The following CEP78 variants were observed in gnomAD, a reference collection of about 807,000 sequenced individuals.
CEP78 encodes centrosomal protein 78, also known as centrosomal protein of 78 kDa.
CEP78 carries 76 observed loss-of-function variants against 81.2 expected under a neutral mutation model. The observed-to-expected ratio is 0.94, with a 90% CI of 0.78 to 1.13. The LOEUF (loss-of-function observed/expected upper bound fraction) is 1.13. Among genes scored for constraint, CEP78 ranks in the 50% most tolerant of loss-of-function variants. The probability of loss-of-function intolerance (pLI) is 0.00; values close to 1 mark genes in which losing one functional copy is unlikely to be tolerated. For synonymous variants in CEP78, 293 were observed against 301.4 expected (o/e 0.97, Z 0.29); for missense variants, 918 against 846.8 (o/e 1.08, Z -1.04).
In CEP78 at chr9:78,274,030, C is replaced by A. The variant is rs1452637202; in HGVS notation, c.*3179C>A. ...TACACATACCATATGACCAAGCAGTCCCACTCCTGGGTATTTAGAGAGATG... is the reference window on the plus strand; with the variant it reads ...TACACATACCATATGACCAAGCAGTACCACTCCTGGGTATTTAGAGAGATG... On this transcript the variant is annotated 3_prime_UTR_variant, in exon 17 of 17. Coordinates refer to ENST00000643273, the MANE Select transcript of CEP78 (RefSeq NM_001330691.3). 6.6e-6 allele frequency: 1 copy of A among 152,198 alleles called. No individual in the cohort carries two copies. Among genetic ancestry groups the A allele is most frequent in the Non-Finnish European group, 1.5e-5 (1 of 68,042 alleles). The allele number at this position is 152,198 out of a possible 1,614,324, so 9.4% of individuals were successfully genotyped here.
chr9:78,270,012 G>A (rs1315521400), intron 16 of CEP78, among the ~76,000 whole-genome samples: 1 of 152,158 alleles, frequency 6.6e-6, no homozygotes, highest in African/African-American at 2.4e-5. Flanking sequence ...CATACATGTA[G>A]TGCAAAATGG....
chr9:78,256,584 A>G (rs1392191608), intron 11 of CEP78, among the ~76,000 whole-genome samples: 2 of 129,002 alleles, frequency 1.6e-5, no homozygotes, highest in Non-Finnish European at 3.1e-5. Context: ...CCAGGCTGGA[A>G]TGCAGTGGCG....
intron 5 of CEP78, among the ~76,000 whole-genome samples, chr9:78,246,196 T>C (rs1826470796): frequency 6.6e-6 from 1 of 152,240 alleles, no homozygotes; most frequent in Non-Finnish European, 1.5e-5. Context: ...TGTGTGCATA[T>C]GGTTTTCTAT....
Position 78,236,383 on chromosome 9 carries a change from C to T in CEP78, c.33C>T (p.Ser11=). Residue 11 remains serine (S), a synonymous_variant, in exon 1 of 17, where the codon AGC becomes AGT. Transcript: ENST00000643273. MIDSVKLRRD[S]AADFFSHYEY... ...ACTCCGTGAAGCTGCGCCGCGACAG[C>T]GCGGCGGACTTCTTCTCCCACTACG... 1.3e-6 allele frequency: 2 copies of T among 1,589,230 alleles called. No individual in the cohort carries two copies. Among genetic ancestry groups the T allele is most frequent in the South Asian group, 1.1e-5 (1 of 88,042 alleles).
Position 78,246,759 on chromosome 9 carries a change from A to G in CEP78, c.869A>G (p.Asp290Gly), listed in dbSNP as rs1208027509. 10 of 1,599,142 alleles carry G rather than the reference A, an allele frequency of 6.3e-6. No homozygotes were observed. Among genetic ancestry groups the G allele is most frequent in the Non-Finnish European group, 7.7e-6 (9 of 1,173,560 alleles). ...LETNTTLVVL[D>G]IRKNPLIDHS... is the part of the protein sequence containing the mutation. ...ACCAATACAACTCTGGTCGTTCTGGATATAAGAAAAAATCCACTCATTGGT... is the reference window on the plus strand; with the variant it reads ...ACCAATACAACTCTGGTCGTTCTGGGTATAAGAAAAAATCCACTCATTGGT... Residue 290 changes from aspartate (D) to glycine (G), a missense_variant, in exon 6 of 17, where the codon GAT becomes GGT. Coordinates refer to ENST00000643273, the MANE Select transcript of CEP78 (RefSeq NM_001330691.3).
intron 11 of CEP78, among the ~76,000 whole-genome samples, chr9:78,255,761 GAGCACCTTTTGTTTGT>G (rs1826991734): frequency 6.6e-6 from 1 of 152,142 alleles, no homozygotes; most frequent in Non-Finnish European, 1.5e-5. Flanking sequence ...TATTATAAAT[GAGCACCTTTTGTTTGT>G]AGCACCTAAG....
intron 16 of CEP78, among the ~76,000 whole-genome samples, chr9:78,267,583 G>A (rs1827593935): frequency 6.6e-6 from 1 of 152,120 alleles, no homozygotes; most frequent in African/African-American, 2.4e-5. Context: ...GCCCAAAGTT[G>A]CACGGCTGTA....
In CEP78 at chr9:78,248,712, C is replaced by T. The variant is rs764678083; in HGVS notation, c.958-50C>T. The T allele has an allele frequency of 7.3e-6, 7 of 954,038 alleles. No individual in the cohort carries two copies. In the African/African-American group the frequency reaches 1.0e-4, roughly 14 times the overall value. 59.1% of individuals were successfully genotyped at this position (954,038 alleles called of 1,614,324 possible). Reference sequence around the variant, plus strand: ...AACAATTTCCATTTAAGATGTAGCCCTCATAAATGATCTGTAACTGAAATA... The same window carrying T: ...AACAATTTCCATTTAAGATGTAGCCTTCATAAATGATCTGTAACTGAAATA... On this transcript the variant is annotated intron_variant, in intron 7 of 16. Coordinates refer to ENST00000643273, the MANE Select transcript of CEP78 (RefSeq NM_001330691.3).
At position 78,274,923 on chromosome 9, in the gene CEP78, A is replaced by G. The variant is rs909419035; in HGVS notation, c.*4072A>G. On this transcript the variant is annotated 3_prime_UTR_variant, in exon 17 of 17. Transcript: ENST00000643273. ...GATGAATTAAACATTTAAAGCTAAGAAAGAGATAAACCAAAAGAAAGGTGA... is the reference window on the plus strand; with the variant it reads ...GATGAATTAAACATTTAAAGCTAAGGAAGAGATAAACCAAAAGAAAGGTGA... 4 of 152,208 alleles carry G rather than the reference A, an allele frequency of 2.6e-5. No homozygotes were observed. Among genetic ancestry groups the G allele is most frequent in the Admixed American group, 2.6e-4 (4 of 15,280 alleles). The allele number at this position is 152,208 out of a possible 1,614,324, so 9.4% of individuals were successfully genotyped here.
chr9:78,239,840 G>A (rs1203096883), intron 1 of CEP78, among the ~76,000 whole-genome samples, 183 bp from the exon 2 acceptor site: 2 of 152,090 alleles, frequency 1.3e-5, no homozygotes, highest in Non-Finnish European at 2.9e-5. Context: ...CAACTTCTTT[G>A]CTTCCATAAG....
chr9:78,265,146 G>A (rs1827458826), intron 13 of CEP78, among the ~76,000 whole-genome samples: 1 of 152,118 alleles, frequency 6.6e-6, no homozygotes, highest in Admixed American at 6.5e-5. Context: ...ACATTGTTGG[G>A]GGAAGAGACA....
chr9:78,236,962 C>A (rs138146321), intron 1 of CEP78, among the ~76,000 whole-genome samples: 325 of 115,044 alleles, frequency 2.8e-3, no homozygotes, highest in African/African-American at 0.011. Flanking sequence ...TACATGTCAG[C>A]CTTTGTCTTT....
intron 16 of CEP78, among the ~76,000 whole-genome samples, chr9:78,269,053 A>G (rs1346182154): frequency 6.6e-6 from 1 of 152,186 alleles, no homozygotes; most frequent in East Asian, 1.9e-4. Flanking sequence ...CTTCTCAAAT[A>G]TACTTGTTTA....
Position 78,241,576 on chromosome 9 carries a change from T to C in CEP78, c.500-120T>C, listed in dbSNP as rs1826230012. 10 of 516,668 alleles carry C rather than the reference T, an allele frequency of 1.9e-5. No homozygotes were observed. The South Asian group carries it at 3.5e-4, about 18-fold the overall frequency. 32.0% of individuals were successfully genotyped at this position (516,668 alleles called of 1,614,324 possible). ...ATCAGTTGCTTAGGTAGATTGTAAATAGTGATTTTAAGAATACAACTATAA... is the reference window on the plus strand; with the variant it reads ...ATCAGTTGCTTAGGTAGATTGTAAACAGTGATTTTAAGAATACAACTATAA... On this transcript the variant is annotated intron_variant, in intron 3 of 16. Transcript: ENST00000643273.
Position 78,277,966 on chromosome 9 carries a change from A to G in CEP78, c.*7115A>G, listed in dbSNP as rs1355669814. 1.3e-5 allele frequency: 2 copies of G among 152,198 alleles called. No individual in the cohort carries two copies. Among genetic ancestry groups the G allele is most frequent in the Non-Finnish European group, 2.9e-5 (2 of 68,024 alleles). The allele number at this position is 152,198 out of a possible 1,614,324, so 9.4% of individuals were successfully genotyped here. On this transcript the variant is annotated 3_prime_UTR_variant, in exon 17 of 17. Transcript: ENST00000643273. ...AGGACGAAGAAGTTGCACAGTAACCACGCACTCCTGTTTACATTTGTATAG... is the reference window on the plus strand; with the variant it reads ...AGGACGAAGAAGTTGCACAGTAACCGCGCACTCCTGTTTACATTTGTATAG...
At position 78,243,819 on chromosome 9, in the gene CEP78, CAA is replaced by C. The variant is rs35270879; in HGVS notation, c.778+195_778+196del. 3.3e-4 allele frequency among the ~76,000 whole-genome samples: 47 copies of C among 142,452 alleles called. No individual in the cohort carries two copies. In the East Asian group the frequency reaches 4.1e-3, roughly 12 times the overall value. 93.5% of individuals were successfully genotyped at this position (142,452 alleles called of 152,430 possible). ...ATTCTTTATAGAAAATACCAAGTAA[CAA>C]AAAAAAAAAAAGTACATATAATCTC... On this transcript the variant is annotated intron_variant, in intron 5 of 16. Transcript: ENST00000643273.
At chr9:78,254,532 A>G (rs1826920850) in intron 10 of CEP78, 1 of 156,968 alleles carries the variant, frequency 6.4e-6, no homozygotes, top group Non-Finnish European at 1.4e-5. Context: ...TGCTTGGTTT[A>G]TGTGAAAAAA....
At position 78,236,549 on chromosome 9, in the gene CEP78, G is replaced by A. The variant is rs376672047; in HGVS notation, c.199G>A (p.Asp67Asn). The A allele has an allele frequency of 3.9e-5, 63 of 1,596,304 alleles. No individual in the cohort carries two copies. In the African/African-American group the frequency reaches 7.6e-4, roughly 19 times the overall value. ...PLLSTLKINKDLPLVSIKSFF... is the reference protein window; with the variant it reads ...PLLSTLKINKNLPLVSIKSFF... ...GCTGAGCACCCTCAAGATCAATAAA[G>A]ACCTGCCCTTGGTCTCCATCAAGAG... Residue 67 changes from aspartate to asparagine, a missense_variant, in exon 1 of 17, where the codon GAC (aspartate) becomes AAC (asparagine). Transcript: ENST00000643273.
Position 78,265,755 on chromosome 9 carries a change from TTA to T in CEP78, c.1798-102_1798-101del, listed in dbSNP as rs71731864. The T allele has an allele frequency of 2.0e-3, 1,538 of 770,936 alleles. 19 individuals carry two copies. The African/African-American group carries it at 0.023, about 11-fold the overall frequency. 47.8% of individuals were successfully genotyped at this position (770,936 alleles called of 1,614,324 possible). On this transcript the variant is annotated intron_variant, in intron 14 of 16. Coordinates refer to ENST00000643273, the MANE Select transcript of CEP78 (RefSeq NM_001330691.3). ...AAAATAAGAAAGTTCTTTTGAAACT[TTA>T]TGATTTAAAGTAGACTATCCTCAGT...
Sources: allele counts gnomAD v4.1 joint callset (sites outside exome capture counted in the v4.1 genomes callset), GRCh38; gene constraint gnomAD v4.1.1; transcripts MANE v1.5; gene names NCBI Gene and HGNC (gene_info 2026-07-23, HGNC 2026-07-21).